Variants in LRRK1 observed in about 807,000 individuals in gnomAD.
The protein encoded by LRRK1 is leucine rich repeat kinase 1, also known as leucine-rich repeat serine/threonine-protein kinase 1.
Under a neutral mutation model 209.1 loss-of-function variants are expected in LRRK1, and 113 were observed. That is an observed-to-expected ratio of 0.54 (90% CI 0.46 to 0.63). The LOEUF (loss-of-function observed/expected upper bound fraction) is 0.63, where lower values mean the gene tolerates loss of function less well. Among genes scored for constraint, LRRK1 ranks in the 30% least tolerant of loss-of-function variants. LRRK1 has a pLI of 0.00. For missense variants in LRRK1, 2,284 were observed against 2,632.2 expected, an observed-to-expected ratio of 0.87 and a Z score of 2.89; for synonymous variants, 1,144 against 1,099.7, an observed-to-expected ratio of 1.04 and a Z score of -0.80.
Position 101,076,809 on chromosome 15 carries a change from C to A in LRRK1, c.*7961C>A, listed in dbSNP as rs549905125. ...CCCGAGTCAGATAACTAAAATACCTCTTATTCTAGGTAGACACTTTCACTG... is the reference window on the plus strand; with the variant it reads ...CCCGAGTCAGATAACTAAAATACCTATTATTCTAGGTAGACACTTTCACTG... On this transcript the variant is annotated 3_prime_UTR_variant, in exon 34 of 34. Coordinates refer to ENST00000388948, the MANE Select transcript of LRRK1 (RefSeq NM_024652.6). 6.6e-6 allele frequency: 1 copy of A among 152,394 alleles called. No individual in the cohort carries two copies. Among genetic ancestry groups the A allele is most frequent in the South Asian group, 2.1e-4 (1 of 4,828 alleles). 9.4% of individuals were successfully genotyped at this position (152,394 alleles called of 1,614,324 possible).
rs2030661608 is a variant in LRRK1, at chr15:100,968,789, T to TTCCCCTTCCCC, written c.98-5013_98-5003dup. Reference sequence around the variant, plus strand: ...CCCTTCCCCTTTCCTTCCCCTTTCCTTCCCCTTCCCCTTCCCCTTCCCCTT... The same window carrying TTCCCCTTCCCC: ...CCCTTCCCCTTTCCTTCCCCTTTCCTTCCCCTTCCCCTCCCCTTCCCCTTCCCCTTCCCCTT... On this transcript the variant is annotated intron_variant, in intron 2 of 33. Coordinates refer to ENST00000388948, the MANE Select transcript of LRRK1 (RefSeq NM_024652.6). Among the ~76,000 whole-genome samples the TTCCCCTTCCCC allele has an allele frequency of 1.4e-4, 20 of 139,564 alleles. 2 individuals are homozygous for TTCCCCTTCCCC. The highest frequency in any genetic ancestry group is 7.2e-4 in the East Asian group (3 of 4,168). 91.6% of individuals were successfully genotyped at this position (139,564 alleles called of 152,430 possible). A position where few individuals can be genotyped will look rare whatever the true frequency, so the allele number is the denominator to read the frequency against.
At chr15:101,036,179 T>C (rs2034486836) in intron 20 of LRRK1, among the ~76,000 whole-genome samples, 1 of 152,250 alleles carries the variant, frequency 6.6e-6, no homozygotes, top group Non-Finnish European at 1.5e-5. Context: ...AAATAGGTTT[T>C]CCTAACCCTT....
chr15:100,967,420 G>A (rs917314447), intron 2 of LRRK1, among the ~76,000 whole-genome samples: 9 of 152,188 alleles, frequency 5.9e-5, no homozygotes, highest in African/African-American at 2.2e-4. Context: ...TTTTCAGGAC[G>A]ATTGCCTTTG....
chr15:101,061,565 GGAGGC>G (rs1254161637), intron 30 of LRRK1, among the ~76,000 whole-genome samples: 1 of 152,228 alleles, frequency 6.6e-6, no homozygotes, highest in African/African-American at 2.4e-5. Context: ...ACGAGACCCA[GGAGGC>G]TAGGGACGTG....
intron 2 of LRRK1, among the ~76,000 whole-genome samples, chr15:100,967,432 A>G (rs758357840): frequency 1.6e-4 from 24 of 152,186 alleles, no homozygotes; most frequent in Admixed American, 6.5e-5. Flanking sequence ...TTGCCTTTGA[A>G]ATGGAGCAAG....
chr15:101,000,397 C>T (rs1040678868), intron 6 of LRRK1, among the ~76,000 whole-genome samples: 16 of 152,234 alleles, frequency 1.1e-4, no homozygotes, highest in Non-Finnish European at 1.8e-4. Flanking sequence ...GTTCCCAGCT[C>T]TCTGGTCCCA....
chr15:101,048,658 G>C lies in LRRK1; in HGVS notation c.3299+1G>C. 2.0e-6 allele frequency: 3 copies of C among 1,503,644 alleles called. No individual in the cohort carries two copies. The highest frequency in any genetic ancestry group is 2.6e-6 in the Non-Finnish European group (3 of 1,132,874). 93.1% of individuals were successfully genotyped at this position (1,503,644 alleles called of 1,614,324 possible). A position where few individuals can be genotyped will look rare whatever the true frequency, so the allele number is the denominator to read the frequency against. On this transcript the variant is annotated splice_donor_variant, in intron 22 of 33. Coordinates refer to ENST00000388948, the MANE Select transcript of LRRK1 (RefSeq NM_024652.6). LOFTEE classifies it high-confidence loss of function. ...TCACTTTTGATGGGGGCTACCTCAG[G>C]TAGGAACACCTGGAAGCCCACCTGC...
intron 3 of LRRK1, among the ~76,000 whole-genome samples, chr15:100,976,750 T>G (rs1333678113): frequency 6.6e-6 from 1 of 152,200 alleles, no homozygotes; most frequent in African/African-American, 2.4e-5. Flanking sequence ...CAAGTTGTGT[T>G]TAAGATAGAA....
intron 21 of LRRK1, among the ~76,000 whole-genome samples, chr15:101,047,392 C>A (rs2035143660): frequency 1.3e-5 from 2 of 152,216 alleles, no homozygotes; most frequent in Admixed American, 1.3e-4. Flanking sequence ...CATTCCTCTG[C>A]CCTCCCTTTG....
At position 101,068,791 on chromosome 15, in the gene LRRK1, C is replaced by T. The variant is rs2036670675; in HGVS notation, c.5991C>T (p.Phe1997=). 3 of 1,613,130 alleles carry T rather than the reference C, an allele frequency of 1.9e-6. No homozygotes were observed. Among genetic ancestry groups the T allele is most frequent in the African/African-American group, 1.3e-5 (1 of 74,904 alleles). Residue 1997 remains phenylalanine (F), a synonymous_variant, in exon 34 of 34, where the codon TTC becomes TTT. Coordinates refer to ENST00000388948, the MANE Select transcript of LRRK1 (RefSeq NM_024652.6). ...GGGGCGCCAGGGAGTTCGACATTTT[C>T]TACCAGTCCTACGAGGAGCTGGGCC... ...RGWGAREFDI[F]YQSYEELGRL...
At chr15:101,029,548 G>T (rs2034191978) in intron 20 of LRRK1, among the ~76,000 whole-genome samples, 1 of 146,424 alleles carries the variant, frequency 6.8e-6, no homozygotes, top group African/African-American at 2.8e-5. Flanking sequence ...ACTTTACAGG[G>T]GCTTGATTGC....
At chr15:101,031,775 C>T (rs2034295159) in intron 20 of LRRK1, among the ~76,000 whole-genome samples, 1 of 151,774 alleles carries the variant, frequency 6.6e-6, no homozygotes, top group South Asian at 2.1e-4. Flanking sequence ...CGCTCTGTCG[C>T]CCAGACTGGA....
chr15:101,010,840 G>C lies in LRRK1; in HGVS notation c.1281+3G>C. ...CAGATCCCTGGGCCTGCCCTTTGGT[G>C]AGTATCACACCAAAAGTCATGAAAG... On this transcript the variant is annotated splice_donor_region_variant and intron_variant, in intron 9 of 33. Transcript: ENST00000388948. 6.2e-7 allele frequency: 1 copy of C among 1,610,348 alleles called. No individual in the cohort carries two copies. Among genetic ancestry groups the C allele is most frequent in the Non-Finnish European group, 8.5e-7 (1 of 1,178,984 alleles).
chr15:101,065,295 C>T, intron 31 of LRRK1, 57 bp from the exon 32 acceptor site: 1 of 1,570,824 alleles, frequency 6.4e-7, no homozygotes. Context: ...TACTCTGTGT[C>T]TCTCTTGGAA....
intron 25 of LRRK1, 65 bp downstream of exon 25, chr15:101,053,153 C>T (rs1456133590): frequency 3.1e-6 from 5 of 1,587,378 alleles, no homozygotes; most frequent in South Asian, 1.1e-5. Flanking sequence ...AAGCTCTGTG[C>T]GGCCTTAGAG....
At chr15:101,061,922 C>T (rs1303309255) in intron 30 of LRRK1, among the ~76,000 whole-genome samples, 4 of 152,158 alleles carry the variant, frequency 2.6e-5, no homozygotes, top group African/African-American at 9.7e-5. Context: ...GCAGGAGAAT[C>T]GGTTGAACCC....
intron 4 of LRRK1, among the ~76,000 whole-genome samples, chr15:100,986,934 G>A (rs1358487388): frequency 6.6e-6 from 1 of 152,084 alleles, no homozygotes; most frequent in Non-Finnish European, 1.5e-5. Context: ...TCTGAGCTTT[G>A]GTTTCCTCAT....
Position 101,075,754 on chromosome 15 carries a change from C to A in LRRK1, c.*6906C>A, listed in dbSNP as rs1223551670. 6.6e-6 allele frequency: 1 copy of A among 151,836 alleles called. No homozygotes were observed. Among genetic ancestry groups the A allele is most frequent in the Non-Finnish European group, 1.5e-5 (1 of 68,034 alleles). 9.4% of individuals were successfully genotyped at this position (151,836 alleles called of 1,614,324 possible). On this transcript the variant is annotated 3_prime_UTR_variant, in exon 34 of 34. Coordinates refer to ENST00000388948, the MANE Select transcript of LRRK1 (RefSeq NM_024652.6). The stretch of plus-strand genomic sequence containing the variant: ...CCATATACTCTCCTATCCTCAATAC[C>A]TCACTCCATAATCCATTATTGTGTT...
intron 6 of LRRK1, among the ~76,000 whole-genome samples, chr15:100,994,157 C>T (rs560254301): frequency 1.3e-5 from 2 of 152,306 alleles, no homozygotes; most frequent in Non-Finnish European, 2.9e-5. Context: ...CAGGGAATAG[C>T]ATCTGTTTTA....
Sources: gnomAD v4.1 joint callset for allele counts (sites outside exome capture counted in the v4.1 genomes callset) on GRCh38, gnomAD v4.1.1 for gene constraint, MANE v1.5 for transcripts, NCBI Gene and HGNC (gene_info 2026-07-23, HGNC 2026-07-21) for gene names.